Variants in CEP85L observed in about 807,000 individuals in gnomAD.
The protein encoded by CEP85L is centrosomal protein of 85 kDa-like.
In CEP85L, 60 loss-of-function variants were observed where a neutral mutation model predicts 100.3. The observed-to-expected ratio is 0.60, with a 90% CI of 0.49 to 0.74. CEP85L has a LOEUF of 0.74. Ranked by LOEUF, CEP85L falls within the 30% of genes least tolerant of loss-of-function variation. The probability of loss-of-function intolerance (pLI) is 0.00; values close to 1 mark genes in which losing one functional copy is unlikely to be tolerated. For synonymous variants in CEP85L, 319 were observed against 322.7 expected, an observed-to-expected ratio of 0.99 and a Z score of 0.12; for missense variants, 973 against 936.2, an observed-to-expected ratio of 1.04 and a Z score of -0.51.
intron 10 of CEP85L, among the ~76,000 whole-genome samples, chr6:118,471,960 A>G (rs1772992269): frequency 6.6e-6 from 1 of 151,858 alleles, no homozygotes; most frequent in African/African-American, 2.4e-5. Flanking sequence ...CCAGAATTCA[A>G]CCTAAATTTT....
At chr6:118,671,208 G>A (rs1191253584) in intron 1 of CEP85L, among the ~76,000 whole-genome samples, 1 of 152,160 alleles carries the variant, frequency 6.6e-6, no homozygotes, top group Non-Finnish European at 1.5e-5. Flanking sequence ...GGAAAATTCA[G>A]AGCCAAATAT....
upstream of CEP85L, among the ~76,000 whole-genome samples, chr6:118,654,077 A>G (rs1775688957): frequency 6.6e-6 from 1 of 152,246 alleles, no homozygotes; most frequent in African/African-American, 2.4e-5. Context: ...AACATCATCT[A>G]CAGAACTGAA....
intron 12 of CEP85L, among the ~76,000 whole-genome samples, chr6:118,467,200 T>C (rs1772591917): frequency 6.6e-6 from 1 of 152,050 alleles, no homozygotes; most frequent in Non-Finnish European, 1.5e-5. Flanking sequence ...AGGAGATAAA[T>C]GTCTGGGTAA....
chr6:118,487,696 G>T (rs9481815), intron 6 of CEP85L, among the ~76,000 whole-genome samples: 102,714 of 152,032 alleles, frequency 0.68, 35,391 homozygotes, highest in Middle Eastern at 0.74. Context: ...ACTGGCTTCT[G>T]CCTTGCCTGT....
intron 3 of CEP85L, among the ~76,000 whole-genome samples, chr6:118,557,736 G>A (rs1325945091): frequency 4.6e-5 from 7 of 152,076 alleles, no homozygotes; most frequent in Non-Finnish European, 8.8e-5. Context: ...AATTATTATC[G>A]AATAAAAATT....
At chr6:118,674,079 A>G (rs1202168393) in intron 1 of CEP85L, among the ~76,000 whole-genome samples, 1 of 152,268 alleles carries the variant, frequency 6.6e-6, no homozygotes, top group Non-Finnish European at 1.5e-5. Context: ...ACAGGGGCAT[A>G]AATATTTTTG....
intron 6 of CEP85L, among the ~76,000 whole-genome samples, chr6:118,486,937 T>G (rs1329176998): frequency 6.6e-6 from 1 of 152,104 alleles, no homozygotes; most frequent in Admixed American, 6.6e-5. Context: ...TCATTCAACA[T>G]GCCAGGCACC....
intron 1 of CEP85L, among the ~76,000 whole-genome samples, chr6:118,680,305 GCTTTT>G (rs1247500090): frequency 3.5e-5 from 3 of 85,596 alleles, no homozygotes; most frequent in African/African-American, 4.6e-5. Flanking sequence ...CCTTGGTGTT[GCTTTT>G]TTTTTTTTTT....
At chr6:118,525,360 A>G (rs1356022254) in intron 3 of CEP85L, among the ~76,000 whole-genome samples, 1 of 152,242 alleles carries the variant, frequency 6.6e-6, no homozygotes, top group Non-Finnish European at 1.5e-5. Flanking sequence ...ATTCCTTAAA[A>G]AGATAAGTTG....
rs56123225 is a variant in CEP85L, at chr6:118,569,341, C to CAAAAAAAAAAAAAAAAAAAAAAAA, written c.233-3049_233-3026dup. Reference sequence around the variant, plus strand: ...TGGGTGACAAGGCTAGACTCTGTCTCAAAAAAAAAAAAAAAAAAAAAAAAA... The same window carrying CAAAAAAAAAAAAAAAAAAAAAAAA: ...TGGGTGACAAGGCTAGACTCTGTCTCAAAAAAAAAAAAAAAAAAAAAAAAAAAAAAAAAAAAAAAAAAAAAAAAA... On this transcript the variant is annotated intron_variant, in intron 2 of 12. Coordinates refer to ENST00000368491, the MANE Select transcript of CEP85L (RefSeq NM_001042475.3). Among the ~76,000 whole-genome samples, 8 of 68,212 alleles carry CAAAAAAAAAAAAAAAAAAAAAAAA rather than the reference C, an allele frequency of 1.2e-4. 1 individual carries two copies. Among genetic ancestry groups the CAAAAAAAAAAAAAAAAAAAAAAAA allele is most frequent in the African/African-American group, 4.7e-4 (7 of 14,928 alleles). 44.7% of individuals were successfully genotyped at this position (68,212 alleles called of 152,430 possible). A position where few individuals can be genotyped will look rare whatever the true frequency, so the allele number is the denominator to read the frequency against.
rs370313035 is a variant in CEP85L, at chr6:118,469,078, T to C, written c.2248A>G (p.Ile750Val). ...CAAGTCATCAGACACTTACATCTTA[T>C]TCCCAGTAATAATGAAAGATTAGGC... ...KEPNLSLLLGIRSMNCSAEET... is the reference protein window; with the variant it reads ...KEPNLSLLLGVRSMNCSAEET... The change falls in exon 12 of 13, where the codon ATA (isoleucine) becomes GTA (valine). Residue 750 changes from isoleucine (I) to valine (V), a missense_variant. Coordinates refer to ENST00000368491, the MANE Select transcript of CEP85L (RefSeq NM_001042475.3). The C allele has an allele frequency of 2.5e-5, 40 of 1,606,810 alleles. No homozygotes were observed. The highest frequency in any genetic ancestry group is 1.1e-5 in the Non-Finnish European group (13 of 1,173,700).
chr6:118,632,715 G>T, intron 1 of CEP85L, 104 bp from the exon 2 acceptor site: 1 of 781,088 alleles, frequency 1.3e-6, no homozygotes, highest in Non-Finnish European at 1.9e-6. Flanking sequence ...GGTATAAAAG[G>T]TTCTTTTCTG....
chr6:118,630,555 T>G (rs1774079860), intron 2 of CEP85L, among the ~76,000 whole-genome samples: 1 of 152,230 alleles, frequency 6.6e-6, no homozygotes, highest in Admixed American at 6.5e-5. Context: ...AGTAGGTGAA[T>G]GTTGATAAAC....
At chr6:118,565,360 G>C in intron 3 of CEP85L, 169 bp downstream of exon 3, 1 of 649,764 alleles carries the variant, frequency 1.5e-6, no homozygotes, top group Middle Eastern at 3.0e-4. Flanking sequence ...CAAATGCTTT[G>C]CAAGTTTATC....
intron 3 of CEP85L, among the ~76,000 whole-genome samples, chr6:118,553,197 G>A (rs1251827705): frequency 1.4e-5 from 2 of 141,336 alleles, no homozygotes; most frequent in Non-Finnish European, 3.0e-5. Flanking sequence ...CTATTAAACA[G>A]CTTAGCTGTT....
chr6:118,580,493 C>A (rs534212705), intron 2 of CEP85L, among the ~76,000 whole-genome samples: 1 of 152,246 alleles, frequency 6.6e-6, no homozygotes, highest in African/African-American at 2.4e-5. Flanking sequence ...GTTAGCTACA[C>A]TTATCGTTGG....
chr6:118,528,215 C>CTTT (rs201109993), intron 3 of CEP85L, among the ~76,000 whole-genome samples: 1 of 143,076 alleles, frequency 7.0e-6, no homozygotes, highest in Non-Finnish European at 1.5e-5. Context: ...TTTTCTTTTT[C>CTTT]TTTTTTTTTT....
Position 118,470,606 on chromosome 6 carries a change from A to G in CEP85L, c.1953T>C (p.Thr651=). ...QGKLSKEKLT[T]QKMMEELEKK... ...TTTCCAGCTCTTCCATCATCTTTTG[A>G]GTGGTCAGTTTCTCTTTAGAAAGCT... Residue 651 remains threonine, a synonymous_variant, in exon 11 of 13, where the codon ACT becomes ACC. Transcript: ENST00000368491. 3.1e-6 allele frequency: 5 copies of G among 1,606,166 alleles called. No homozygotes were observed. The highest frequency in any genetic ancestry group is 4.3e-6 in the Non-Finnish European group (5 of 1,176,252).
At chr6:118,605,970 C>T (rs917049690) in intron 2 of CEP85L, among the ~76,000 whole-genome samples, 12 of 147,754 alleles carry the variant, frequency 8.1e-5, no homozygotes, top group South Asian at 2.1e-4. Context: ...GCCAAGATCG[C>T]GCCACTGCAC....
Sources: gnomAD v4.1 joint callset for allele counts (sites outside exome capture counted in the v4.1 genomes callset) on GRCh38, gnomAD v4.1.1 for gene constraint, MANE v1.5 for transcripts, NCBI Gene and HGNC (gene_info 2026-07-23, HGNC 2026-07-21) for gene names.